The following HMGXB4 variants were observed in gnomAD, a reference collection of about 807,000 sequenced individuals.
HMGXB4 encodes the protein HMG-box containing 4.
HMGXB4 carries 27 observed loss-of-function variants against 63.9 expected under a neutral mutation model. The observed-to-expected ratio is 0.42, with a 90% CI of 0.31 to 0.58. HMGXB4 has a LOEUF of 0.58. HMGXB4 is among the 20% of genes least tolerant of loss of function. HMGXB4 has a pLI of 0.13. For missense variants in HMGXB4, 624 were observed against 700.7 expected (o/e 0.89, Z 1.24); for synonymous variants, 264 against 265.3 (o/e 0.99, Z 0.05).
At chr22:35,287,195 G>A (rs779520061) in intron 7 of HMGXB4, 152 bp from the exon 8 acceptor site, 13 of 611,948 alleles carry the variant, frequency 2.1e-5, no homozygotes, top group South Asian at 9.8e-5. Flanking sequence ...AAGTCAGTTC[G>A]GTGACCCCCA....
chr22:35,244,621 C>T, the HMGXB4 span, among the ~76,000 whole-genome samples: 1 of 152,282 alleles, frequency 6.6e-6, no homozygotes, highest in South Asian at 2.1e-4. Flanking sequence ...GTTCCTCTTC[C>T]TTATTTAAAG....
chr22:35,254,054 G>T (rs147162491), upstream of HMGXB4, among the ~76,000 whole-genome samples: 5 of 152,248 alleles, frequency 3.3e-5, no homozygotes, highest in African/African-American at 1.2e-4. Flanking sequence ...CAAAGACGCT[G>T]CTCAAAACAC....
chr22:35,268,946 C>T (rs1455980415), intron 5 of HMGXB4, among the ~76,000 whole-genome samples: 1 of 152,150 alleles, frequency 6.6e-6, no homozygotes, highest in African/African-American at 2.4e-5. Context: ...TCTGTACACC[C>T]CTCATTAGAA....
intron 5 of HMGXB4, among the ~76,000 whole-genome samples, chr22:35,273,846 T>A (rs1399309307): frequency 6.6e-6 from 1 of 152,126 alleles, no homozygotes; most frequent in Non-Finnish European, 1.5e-5. Context: ...GTGAGATGAG[T>A]CCTGTGACCT....
chr22:35,275,227 C>G (rs540906352), intron 5 of HMGXB4, among the ~76,000 whole-genome samples: 15 of 142,792 alleles, frequency 1.1e-4, no homozygotes, highest in African/African-American at 4.0e-4. Context: ...TTAAGTGATT[C>G]TCCTGCCTCA....
the HMGXB4 span, among the ~76,000 whole-genome samples, chr22:35,252,162 C>T: frequency 6.6e-6 from 1 of 152,178 alleles, no homozygotes; most frequent in Non-Finnish European, 1.5e-5. Flanking sequence ...CTGCAGTAAG[C>T]TGAGATCGTG....
intron 5 of HMGXB4, among the ~76,000 whole-genome samples, chr22:35,268,303 T>TC (rs1162944022): frequency 6.6e-6 from 1 of 152,118 alleles, no homozygotes; most frequent in Non-Finnish European, 1.5e-5. Context: ...CTTTTACATT[T>TC]CCCCCTTCCC....
intron 7 of HMGXB4, chr22:35,286,851 C>CAA (rs67190857): frequency 0.52 from 38,068 of 72,686 alleles, 10,258 homozygotes; most frequent in Non-Finnish European, 0.65. Flanking sequence ...AACTCCATCT[C>CAA]AAAAAAAAAA....
intron 5 of HMGXB4, among the ~76,000 whole-genome samples, chr22:35,276,771 G>A (rs1923936996): frequency 6.6e-6 from 1 of 152,146 alleles, no homozygotes; most frequent in African/African-American, 2.4e-5. Flanking sequence ...CTCTAAACAG[G>A]ACTGGCTTCA....
intron 9 of HMGXB4, 60 bp downstream of exon 9, chr22:35,288,467 G>T: frequency 1.5e-6 from 2 of 1,350,070 alleles, no homozygotes; most frequent in South Asian, 3.4e-5. Context: ...ATATAATTTT[G>T]ATTCATTCAC....
chr22:35,290,495 A>G (rs895320030), intron 9 of HMGXB4, among the ~76,000 whole-genome samples: 1 of 151,980 alleles, frequency 6.6e-6, no homozygotes, highest in Non-Finnish European at 1.5e-5. Context: ...AATACAAAAA[A>G]TTAGCTGGGC....
At chr22:35,262,907 T>G (rs1922953177) in intron 2 of HMGXB4, 171 bp from the exon 3 acceptor site, 1 of 644,232 alleles carries the variant, frequency 1.6e-6, no homozygotes, top group Non-Finnish European at 2.7e-6. Flanking sequence ...TGCAGCTAGG[T>G]CATCAAGAAA....
intron 7 of HMGXB4, among the ~76,000 whole-genome samples, chr22:35,286,692 T>TA (rs958053473): frequency 3.1e-4 from 47 of 151,790 alleles, no homozygotes; most frequent in African/African-American, 1.1e-3. Context: ...CTACTAAAAA[T>TA]ACAAAAAATT....
At chr22:35,285,532 G>A (rs1260326585) in intron 6 of HMGXB4, among the ~76,000 whole-genome samples, 6 of 152,080 alleles carry the variant, frequency 3.9e-5, no homozygotes, top group South Asian at 2.1e-4. Context: ...GCGACAGAGC[G>A]AGACTCCGTC....
chr22:35,243,596 T>C, the HMGXB4 span, among the ~76,000 whole-genome samples: 2 of 151,546 alleles, frequency 1.3e-5, no homozygotes, highest in African/African-American at 4.8e-5. Flanking sequence ...CAGGCTGGAG[T>C]GCAGTGGTGT....
At position 35,265,273 on chromosome 22, in the gene HMGXB4, C is replaced by G; in HGVS notation, c.885C>G (p.Asp295Glu). ...TTGAACCTATTCTGGTAGAATCAGA[C>G]TCATCCTCTGGTGGGGAACTAGAGG... is the stretch of plus-strand genomic sequence containing the variant. ...SGLEPILVES[D>E]SSSGGELEAG... Residue 295 changes from aspartate to glutamate, a missense_variant, in exon 5 of 11, where the codon GAC (aspartate) becomes GAG (glutamate). Asp to Glu is a conservative substitution (Grantham distance 45, BLOSUM62 2). Around this residue, in one of 2 missense-constraint regions of HMGXB4, gnomAD observed 472 missense variants for 470.6 expected, o/e 1.00. Transcript: ENST00000216106. 2 of 1,614,054 alleles carry G rather than the reference C, an allele frequency of 1.2e-6. No homozygotes were observed. Among genetic ancestry groups the G allele is most frequent in the Non-Finnish European group, 1.7e-6 (2 of 1,180,018 alleles).
the HMGXB4 span, among the ~76,000 whole-genome samples, chr22:35,243,452 T>G: frequency 1.3e-5 from 2 of 152,224 alleles, no homozygotes; most frequent in Admixed American, 6.5e-5. Flanking sequence ...ACCAGCTATC[T>G]GGGCATCCCT....
chr22:35,263,404 CT>C (rs1922992991), intron 3 of HMGXB4, among the ~76,000 whole-genome samples, 178 bp downstream of exon 3: 1 of 151,918 alleles, frequency 6.6e-6, no homozygotes, highest in Admixed American at 6.6e-5. Context: ...TTGCCTCAGC[CT>C]CCCGAGTAGC....
At chr22:35,253,628 TG>T (rs1922282973), upstream of HMGXB4, among the ~76,000 whole-genome samples, 3 of 151,986 alleles carry the variant, frequency 2.0e-5, no homozygotes, top group African/African-American at 7.2e-5. Context: ...TGTGTGTGTG[TG>T]TATGTGTGTT....
Sources: allele counts gnomAD v4.1 joint callset (sites outside exome capture counted in the v4.1 genomes callset), GRCh38; gene constraint gnomAD v4.1.1; regional missense constraint gnomAD v4.1.1; transcripts MANE v1.5; gene names NCBI Gene and HGNC (gene_info 2026-07-23, HGNC 2026-07-21).